Variants in CDC42BPB observed in about 807,000 individuals in gnomAD.
CDC42BPB encodes the protein CDC42 binding protein kinase beta.
In CDC42BPB, 37 loss-of-function variants were observed where a neutral mutation model predicts 214.9. The observed-to-expected ratio is 0.17, with a 90% CI of 0.13 to 0.23. The LOEUF (loss-of-function observed/expected upper bound fraction) is 0.23, where lower values mean the gene tolerates loss of function less well. Ranked by LOEUF, CDC42BPB falls within the 10% of genes least tolerant of loss-of-function variation. The probability of loss-of-function intolerance (pLI) is 1.00; values close to 1 mark genes in which losing one functional copy is unlikely to be tolerated. For missense variants in CDC42BPB, 1,694 were observed against 2,227.0 expected (o/e 0.76, Z 4.82); for synonymous variants, 931 against 884.0 (o/e 1.05, Z -0.94).
At position 103,053,529 on chromosome 14, in the gene CDC42BPB, A is replaced by AG. The variant is rs543965154; in HGVS notation, c.175+3469dup. ...GTAATCCAAGAACTTTGGGAGGCCA[A>AG]GGGGGGCAGATCACGAGGTCTGGAG... On this transcript the variant is annotated intron_variant, in intron 1 of 36. Coordinates refer to ENST00000361246, the MANE Select transcript of CDC42BPB (RefSeq NM_006035.4). Among the ~76,000 whole-genome samples, 439 of 152,040 alleles carry AG rather than the reference A, an allele frequency of 2.9e-3. 3 individuals carry two copies. The highest frequency in any genetic ancestry group is 0.017 in the Middle Eastern group (5 of 294).
chr14:102,996,315 G>C (rs1894733440), intron 5 of CDC42BPB, among the ~76,000 whole-genome samples: 1 of 152,062 alleles, frequency 6.6e-6, no homozygotes, highest in Non-Finnish European at 1.5e-5. Context: ...ACTCCAGCCT[G>C]GGTGACAGAG....
chr14:102,940,021 A>G (rs1285744988), intron 32 of CDC42BPB, 25 bp downstream of exon 32: 3 of 1,613,252 alleles, frequency 1.9e-6, no homozygotes, highest in South Asian at 1.1e-5. Flanking sequence ...CCTTCCCTCC[A>G]CTCCCGGTGC....
At chr14:102,994,970 G>A (rs34873665) in intron 5 of CDC42BPB, among the ~76,000 whole-genome samples, 5,883 of 152,306 alleles carry the variant, frequency 0.039, 150 homozygotes, top group Non-Finnish European at 0.059. Context: ...TCTTCTCTCC[G>A]AGGTTTTCTT....
At chr14:102,950,635 T>C in intron 24 of CDC42BPB, 33 bp from the exon 25 acceptor site, 1 of 1,518,622 alleles carries the variant, frequency 6.6e-7, no homozygotes, top group Non-Finnish European at 8.8e-7. Context: ...CCTTCAAAGC[T>C]TGCTGCCTAC....
At chr14:103,022,622 C>T (rs930358385) in intron 1 of CDC42BPB, among the ~76,000 whole-genome samples, 1 of 152,198 alleles carries the variant, frequency 6.6e-6, no homozygotes, top group Non-Finnish European at 1.5e-5. Context: ...CCATTCCCCA[C>T]GGGTGCTCAC....
chr14:102,966,501 C>T (rs1046972381), intron 17 of CDC42BPB, 114 bp from the exon 18 acceptor site: 2 of 1,501,088 alleles, frequency 1.3e-6, no homozygotes, highest in African/African-American at 2.8e-5. Flanking sequence ...GTCACGTCAG[C>T]TAGAGTGCCC....
At chr14:102,977,302 G>GCACTCCA (rs1266459951) in intron 9 of CDC42BPB, among the ~76,000 whole-genome samples, 3 of 134,728 alleles carry the variant, frequency 2.2e-5, no homozygotes, top group Non-Finnish European at 4.6e-5. Flanking sequence ...TCGTGCCTCT[G>GCACTCCA]CACTCCAGCC....
At chr14:103,025,753 G>A (rs1887015893) in intron 1 of CDC42BPB, among the ~76,000 whole-genome samples, 2 of 151,502 alleles carry the variant, frequency 1.3e-5, no homozygotes, top group African/African-American at 4.9e-5. Flanking sequence ...AGGAGGCAGA[G>A]GTTGTAGCAA....
intron 12 of CDC42BPB, among the ~76,000 whole-genome samples, chr14:102,972,939 T>TATAAAAACAA (rs1372116413): frequency 2.0e-5 from 3 of 152,088 alleles, no homozygotes; most frequent in African/African-American, 7.2e-5. Context: ...TGAAGAACTG[T>TATAAAAACAA]ATAAAAACAA....
intron 7 of CDC42BPB, among the ~76,000 whole-genome samples, chr14:102,982,440 G>T (rs1894045970): frequency 6.6e-6 from 1 of 152,150 alleles, no homozygotes; most frequent in Admixed American, 6.5e-5. Flanking sequence ...AATGCTATGA[G>T]CACGCTGGTA....
intron 1 of CDC42BPB, among the ~76,000 whole-genome samples, chr14:103,030,260 G>A (rs1887292233): frequency 6.6e-6 from 1 of 152,242 alleles, no homozygotes; most frequent in Non-Finnish European, 1.5e-5. Flanking sequence ...GGTGGAAATG[G>A]TACCTCTTTT....
chr14:103,047,001 T>C (rs184553729), intron 1 of CDC42BPB, among the ~76,000 whole-genome samples: 12 of 151,592 alleles, frequency 7.9e-5, no homozygotes, highest in African/African-American at 2.4e-4. Context: ...TTAAGTGTTC[T>C]TGGCTGGGCG....
chr14:102,955,759 G>T (rs549982925), intron 21 of CDC42BPB, among the ~76,000 whole-genome samples: 1 of 152,240 alleles, frequency 6.6e-6, no homozygotes, highest in Non-Finnish European at 1.5e-5. Context: ...GTTAGCACCA[G>T]CAAGCAGTGT....
intron 2 of CDC42BPB, among the ~76,000 whole-genome samples, chr14:103,010,469 T>A (rs1435779659): frequency 6.6e-6 from 1 of 152,190 alleles, no homozygotes; most frequent in Non-Finnish European, 1.5e-5. Flanking sequence ...GGGATGGTGC[T>A]GCGAGAGGGG....
At chr14:102,972,688 C>CAAAAAAAAAAAAA (rs56956413) in intron 12 of CDC42BPB, among the ~76,000 whole-genome samples, 3 of 44,978 alleles carry the variant, frequency 6.7e-5, no homozygotes, top group Non-Finnish European at 1.2e-4. Context: ...GACTCTGCCT[C>CAAAAAAAAAAAAA]AAAAAAAAAA....
intron 12 of CDC42BPB, among the ~76,000 whole-genome samples, chr14:102,973,300 C>T (rs1393807669): frequency 6.6e-6 from 1 of 152,230 alleles, no homozygotes; most frequent in East Asian, 1.9e-4. Context: ...GGGTTTGATA[C>T]CTGGCACATT....
At chr14:103,006,066 C>T (rs1293314605) in intron 3 of CDC42BPB, among the ~76,000 whole-genome samples, 1 of 149,910 alleles carries the variant, frequency 6.7e-6, no homozygotes, top group Non-Finnish European at 1.5e-5. Flanking sequence ...CCCAGTTCTA[C>T]TAATGACAAC....
At chr14:102,999,740 G>T (rs775935680) in intron 4 of CDC42BPB, 27 bp from the exon 5 acceptor site, 2 of 1,613,648 alleles carry the variant, frequency 1.2e-6, no homozygotes, top group African/African-American at 2.7e-5. Context: ...GAAGGGGAGA[G>T]AATACCACAT....
chr14:102,975,227 A>C (rs996537820), intron 11 of CDC42BPB, among the ~76,000 whole-genome samples: 65 of 152,256 alleles, frequency 4.3e-4, no homozygotes, highest in African/African-American at 1.6e-3. Context: ...ATATCATTAG[A>C]ACTAAGCCAA....
Sources: allele counts gnomAD v4.1 joint callset (sites outside exome capture counted in the v4.1 genomes callset), GRCh38; gene constraint gnomAD v4.1.1; transcripts MANE v1.5; gene names NCBI Gene and HGNC (gene_info 2026-07-23, HGNC 2026-07-21).